Variants in PLCH1 observed in about 807,000 individuals in gnomAD.
PLCH1 encodes phospholipase C eta 1.
PLCH1 carries 60 observed loss-of-function variants against 126.7 expected under a neutral mutation model. The observed-to-expected ratio is 0.47, with a 90% CI of 0.38 to 0.59. The LOEUF (loss-of-function observed/expected upper bound fraction) is 0.59. PLCH1 is among the 20% of genes least tolerant of loss of function. The pLI is 0.00. For synonymous variants in PLCH1, 719 were observed against 734.9 expected, an observed-to-expected ratio of 0.98 and a Z score of 0.35; for missense variants, 1,723 against 2,040.0, an observed-to-expected ratio of 0.84 and a Z score of 2.99.
chr3:155,567,332 C>T (rs1422236804), intron 7 of PLCH1, among the ~76,000 whole-genome samples: 1 of 152,160 alleles, frequency 6.6e-6, no homozygotes, highest in Non-Finnish European at 1.5e-5. Context: ...CTCAGCCTCC[C>T]AAAGTGCTGA....
chr3:155,709,093 C>G lies in PLCH1; in HGVS notation c.-40-4829G>C, dbSNP rs181994445. Among the ~76,000 whole-genome samples the G allele has an allele frequency of 2.6e-5, 4 of 152,328 alleles. No homozygotes were observed. In the East Asian group the frequency reaches 5.8e-4, roughly 22 times the overall value. ...GTGATATGCATTTAATGTTCTACGT[C>G]TTTTCATGGCTTGAGAGCTCATTTC... is the stretch of plus-strand genomic sequence containing the variant. On this transcript the variant is annotated intron_variant, in intron 1 of 22. Transcript: ENST00000460012.
chr3:155,606,333 T>C (rs183288221), intron 2 of PLCH1, among the ~76,000 whole-genome samples: 1 of 152,274 alleles, frequency 6.6e-6, no homozygotes. Context: ...AACTCTGTTT[T>C]CCTCATGGAA....
chr3:155,625,441 T>C (rs1737109354), intron 2 of PLCH1, among the ~76,000 whole-genome samples: 1 of 152,036 alleles, frequency 6.6e-6, no homozygotes, highest in Non-Finnish European at 1.5e-5. Context: ...GAAACTATCA[T>C]CAGAATGAAC....
chr3:155,628,951 A>C (rs1310525091), intron 2 of PLCH1, among the ~76,000 whole-genome samples: 1 of 152,106 alleles, frequency 6.6e-6, no homozygotes, highest in Non-Finnish European at 1.5e-5. Context: ...TGTCATTGCA[A>C]CTCTGCCAAC....
At chr3:155,612,832 T>C (rs1028245097) in intron 2 of PLCH1, among the ~76,000 whole-genome samples, 6 of 145,048 alleles carry the variant, frequency 4.1e-5, no homozygotes, top group African/African-American at 1.3e-4. Flanking sequence ...CGCTTGAACC[T>C]GGGAGGCAGA....
intron 10 of PLCH1, among the ~76,000 whole-genome samples, chr3:155,538,487 T>C (rs1039954321): frequency 5.3e-5 from 8 of 151,902 alleles, no homozygotes; most frequent in African/African-American, 1.7e-4. Flanking sequence ...ATAAACAAAA[T>C]TGATAGACCA....
chr3:155,606,512 G>A (rs1209974903), intron 2 of PLCH1, among the ~76,000 whole-genome samples: 4 of 152,166 alleles, frequency 2.6e-5, no homozygotes, highest in Admixed American at 6.5e-5. Flanking sequence ...TACTTTTAGA[G>A]ATATAGTTTA....
At chr3:155,555,072 T>C (rs1356965565) in intron 8 of PLCH1, among the ~76,000 whole-genome samples, 1 of 152,248 alleles carries the variant, frequency 6.6e-6, no homozygotes, top group Non-Finnish European at 1.5e-5. Flanking sequence ...TCATTGCTCC[T>C]TTGCTCAAAA....
chr3:155,530,728 T>C (rs1432874681), intron 10 of PLCH1, among the ~76,000 whole-genome samples: 1 of 152,200 alleles, frequency 6.6e-6, no homozygotes, highest in African/African-American at 2.4e-5. Context: ...TCAAAAAAAA[T>C]CGCAAATGTT....
intron 4 of PLCH1, among the ~76,000 whole-genome samples, chr3:155,587,393 T>C (rs1731517088): frequency 6.6e-6 from 1 of 152,176 alleles, no homozygotes; most frequent in Non-Finnish European, 1.5e-5. Context: ...ATTGTTCAGA[T>C]AAGGACATAA....
intron 15 of PLCH1, among the ~76,000 whole-genome samples, chr3:155,495,192 AACT>A (rs1362384810): frequency 6.6e-6 from 1 of 152,162 alleles, no homozygotes; most frequent in African/African-American, 2.4e-5. Flanking sequence ...CACGCATATA[AACT>A]ATGGAACAAA....
At chr3:155,471,689 T>C (rs1220345208) in intron 21 of PLCH1, among the ~76,000 whole-genome samples, 1 of 148,880 alleles carries the variant, frequency 6.7e-6, no homozygotes, top group African/African-American at 2.5e-5. Context: ...AAAGCTCTCC[T>C]CAGCAAATGT....
At chr3:155,499,648 A>T (rs1389880017) in intron 14 of PLCH1, among the ~76,000 whole-genome samples, 1 of 152,220 alleles carries the variant, frequency 6.6e-6, no homozygotes, top group Non-Finnish European at 1.5e-5. Flanking sequence ...AACTGTATTG[A>T]TGTCTCCTTT....
chr3:155,628,544 C>T (rs4680203), intron 2 of PLCH1, among the ~76,000 whole-genome samples: 143,105 of 148,384 alleles, frequency 0.96, 69,000 homozygotes, highest in East Asian at 1. Context: ...TGGATCTTCA[C>T]CTCTCTTTTT....
intron 21 of PLCH1, among the ~76,000 whole-genome samples, chr3:155,465,772 G>A (rs1300456839): frequency 6.6e-6 from 1 of 152,106 alleles, no homozygotes; most frequent in Non-Finnish European, 1.5e-5. Context: ...GGGACTCACA[G>A]GCCAGGCAGC....
At chr3:155,526,757 C>G (rs1722004820) in intron 10 of PLCH1, among the ~76,000 whole-genome samples, 1 of 152,184 alleles carries the variant, frequency 6.6e-6, no homozygotes, top group Admixed American at 6.5e-5. Context: ...TAAGCCACAC[C>G]CAGGTTCCTG....
At chr3:155,558,578 A>C (rs1727133843) in intron 8 of PLCH1, among the ~76,000 whole-genome samples, 1 of 152,242 alleles carries the variant, frequency 6.6e-6, no homozygotes, top group Non-Finnish European at 1.5e-5. Context: ...AAACAGAACA[A>C]TTATACTGCA....
At chr3:155,471,519 G>A (rs1294715284) in intron 21 of PLCH1, among the ~76,000 whole-genome samples, 7 of 146,180 alleles carry the variant, frequency 4.8e-5, no homozygotes, top group Admixed American at 1.4e-4. Flanking sequence ...ACAGATCAAC[G>A]AGACAGAAAG....
chr3:155,502,017 C>T (rs1717979154), intron 13 of PLCH1, among the ~76,000 whole-genome samples: 1 of 152,100 alleles, frequency 6.6e-6, no homozygotes, highest in Non-Finnish European at 1.5e-5. Context: ...CCTAAACCCC[C>T]CCAAAAATCA....
Sources: gnomAD v4.1 joint callset for allele counts (sites outside exome capture counted in the v4.1 genomes callset) on GRCh38, gnomAD v4.1.1 for gene constraint, MANE v1.5 for transcripts, NCBI Gene and HGNC (gene_info 2026-07-23, HGNC 2026-07-21) for gene names.